PCDH19: variants seen among roughly 807,000 people sequenced by gnomAD.
PCDH19 encodes protocadherin 19.
Under a neutral mutation model 46.2 loss-of-function variants are expected in PCDH19, and 6 were observed. The observed-to-expected ratio is 0.13, with a 90% CI of 0.07 to 0.26. PCDH19 has a LOEUF of 0.26. Among genes scored for constraint, PCDH19 ranks in the 10% least tolerant of loss-of-function variants. The pLI, the probability that PCDH19 is intolerant of heterozygous loss-of-function variation, is 1.00. For missense variants in PCDH19, 740 were observed against 972.3 expected (o/e 0.76, Z 3.18); for synonymous variants, 481 against 415.7 (o/e 1.16, Z -1.91).
intron 4 of PCDH19, among the ~76,000 whole-genome samples, chrX:100,343,454 T>C (rs977050819): frequency 8.9e-6 from 1 of 112,229 alleles, no homozygotes; most frequent in Non-Finnish European, 1.9e-5. Context: ...ATGAAAACTT[T>C]CAGCTCAAGT....
Position 100,398,894 on chromosome X carries a change from G to A in PCDH19, c.2616+3630C>T, listed in dbSNP as rs1928100067. 2.7e-5 allele frequency among the ~76,000 whole-genome samples: 3 copies of A among 112,046 alleles called. No homozygotes were observed. The South Asian group carries it at 1.1e-3, about 42-fold the overall frequency. On this transcript the variant is annotated intron_variant, in intron 3 of 5. Transcript: ENST00000373034. Reference sequence around the variant, plus strand: ...TGGGTTTGACACAGGTAACCCAACAGAGGAACCTACTATGTAGTACCCTTT... The same window carrying A: ...TGGGTTTGACACAGGTAACCCAACAAAGGAACCTACTATGTAGTACCCTTT...
intron 3 of PCDH19, among the ~76,000 whole-genome samples, chrX:100,394,269 G>T (rs1011735246): frequency 8.9e-6 from 1 of 112,032 alleles, no homozygotes; most frequent in East Asian, 2.8e-4. Context: ...AGTCCCAAAG[G>T]GTCTGCTCAA....
At chrX:100,401,177 A>G (rs1411481127) in intron 3 of PCDH19, among the ~76,000 whole-genome samples, 1 of 111,880 alleles carries the variant, frequency 8.9e-6, no homozygotes, top group Non-Finnish European at 1.9e-5. Context: ...TATGCCTCCC[A>G]GTGCATCAGA....
At chrX:100,303,915 G>A (rs1157032462) in intron 5 of PCDH19, among the ~76,000 whole-genome samples, 1 of 112,509 alleles carries the variant, frequency 8.9e-6, no homozygotes. Context: ...CACCTATGTG[G>A]TGTTACCTGA....
In PCDH19 at chrX:100,402,809, C is replaced by T. The variant is rs912493512; in HGVS notation, c.2331G>A (p.Lys777=). The T allele has an allele frequency of 1.8e-5, 22 of 1,211,186 alleles. No individual in the cohort carries two copies. Among genetic ancestry groups the T allele is most frequent in the Non-Finnish European group, 2.5e-5 (22 of 895,163 alleles). ...YSYGHQKKSS[K]KKKISKNDIR... ...TGTCATTCTTACTGATTTTTTTCTT[C>T]TTGCTTGATTTCTTTTGATGCCCAT... is the stretch of plus-strand genomic sequence containing the variant. Residue 777 remains lysine (K), a synonymous_variant, in exon 3 of 6, where the codon AAG becomes AAA. Coordinates refer to ENST00000373034, the MANE Select transcript of PCDH19 (RefSeq NM_001184880.2).
chrX:100,399,492 T>C (rs1398997967), intron 3 of PCDH19, among the ~76,000 whole-genome samples: 1 of 111,800 alleles, frequency 8.9e-6, no homozygotes, highest in Admixed American at 9.5e-5. Flanking sequence ...TTACAAAGAG[T>C]AGGCTCAACA....
intron 3 of PCDH19, among the ~76,000 whole-genome samples, chrX:100,362,609 C>G (rs1339023414): frequency 9.4e-6 from 1 of 106,862 alleles, no homozygotes; most frequent in African/African-American, 3.4e-5. Flanking sequence ...CTGGCTAATA[C>G]GGTGAAACCC....
chrX:100,404,449 A>G (rs1928284348), intron 1 of PCDH19, among the ~76,000 whole-genome samples: 1 of 112,025 alleles, frequency 8.9e-6, no homozygotes, highest in African/African-American at 3.2e-5. Flanking sequence ...AACTTTGGCA[A>G]TGCCCCATCA....
intron 5 of PCDH19, among the ~76,000 whole-genome samples, chrX:100,337,047 C>T (rs930712086): frequency 9.0e-6 from 1 of 111,393 alleles, no homozygotes; most frequent in Admixed American, 9.5e-5. Flanking sequence ...AAATTCAAGC[C>T]CCATGATACC....
intron 5 of PCDH19, among the ~76,000 whole-genome samples, chrX:100,334,342 G>A (rs1926015238): frequency 9.0e-6 from 1 of 111,564 alleles, no homozygotes; most frequent in African/African-American, 3.3e-5. Context: ...ATACTGTTTT[G>A]CAATTCATAT....
chrX:100,324,182 C>T (rs1383663607), intron 5 of PCDH19, among the ~76,000 whole-genome samples: 1 of 111,923 alleles, frequency 8.9e-6, no homozygotes, highest in Non-Finnish European at 1.9e-5. Flanking sequence ...CAATTAAGTA[C>T]CCTTAAGAGT....
rs1398724587 is a variant in PCDH19 at position 100,292,126 on chromosome X, G to C, written c.*4151C>G. The C allele has an allele frequency of 8.8e-6, 1 of 113,274 alleles. No homozygotes were observed. Among genetic ancestry groups the C allele is most frequent in the Non-Finnish European group, 1.9e-5 (1 of 53,368 alleles). The allele number at this position is 113,274 out of a possible 1,213,427, so 9.3% of individuals were successfully genotyped here. On this transcript the variant is annotated 3_prime_UTR_variant, in exon 6 of 6. Transcript: ENST00000373034. ...TATTTGTTGCTGATTTCTAGCTCGA[G>C]CTAGTCTGGCTCTTGGTCATTAAAG...
rs1329214100 is a variant in PCDH19 at position 100,296,037 on chromosome X, C to T, written c.*240G>A. On this transcript the variant is annotated 3_prime_UTR_variant, in exon 6 of 6. Transcript: ENST00000373034. ...TCACAACTGAATTTGTCTCTGTTTC[C>T]CCAACATCAAGGCCCCATGAACAAC... is the stretch of plus-strand genomic sequence containing the variant. 1 of 414,573 alleles carries T rather than the reference C, an allele frequency of 2.4e-6. No homozygotes were observed. The highest frequency in any genetic ancestry group is 4.2e-6 in the Non-Finnish European group (1 of 238,676). The allele number at this position is 414,573 out of a possible 1,213,427, so 34.2% of individuals were successfully genotyped here. A position where few individuals can be genotyped will look rare whatever the true frequency, so the allele number is the denominator to read the frequency against.
intron 3 of PCDH19, among the ~76,000 whole-genome samples, chrX:100,365,300 C>G (rs781649462): frequency 2.7e-5 from 3 of 111,242 alleles, no homozygotes; most frequent in African/African-American, 9.8e-5. Flanking sequence ...GAGCAAGAAC[C>G]TAAGACTCCT....
intron 2 of PCDH19, 80 bp from the exon 3 acceptor site, chrX:100,402,931 A>G: frequency 5.3e-6 from 4 of 755,514 alleles, no homozygotes; most frequent in Non-Finnish European, 8.1e-6. Flanking sequence ...AGCACCCCAG[A>G]GGGTTGCACC....
chrX:100,347,180 T>C (rs932712778), intron 4 of PCDH19, among the ~76,000 whole-genome samples: 2 of 111,399 alleles, frequency 1.8e-5, no homozygotes, highest in African/African-American at 6.5e-5. Flanking sequence ...TTCTCAACCT[T>C]GATTTGTGCC....
intron 5 of PCDH19, among the ~76,000 whole-genome samples, chrX:100,330,616 C>T (rs1925845595): frequency 8.9e-6 from 1 of 112,193 alleles, no homozygotes. Flanking sequence ...TGCAGTCCTG[C>T]ATTACTTAGA....
chrX:100,395,997 C>A (rs1251419517), intron 3 of PCDH19, among the ~76,000 whole-genome samples: 1 of 112,060 alleles, frequency 8.9e-6, no homozygotes. Context: ...GAAATCAAGC[C>A]TCTTCTCCGT....
In PCDH19 at chrX:100,334,667, T is replaced by C. The variant is rs1255056397; in HGVS notation, c.2848+7236A>G. Among the ~76,000 whole-genome samples the C allele has an allele frequency of 1.1e-4, 12 of 110,426 alleles. No homozygotes were observed. The South Asian group carries it at 2.7e-3, about 25-fold the overall frequency. ...TACCCCTAATCATGCAACAAATCCA[T>C]GAGCCTCTGGCACCTCTGACCACTC... On this transcript the variant is annotated intron_variant, in intron 5 of 5. Coordinates refer to ENST00000373034, the MANE Select transcript of PCDH19 (RefSeq NM_001184880.2).
Sources: allele counts gnomAD v4.1 joint callset (sites outside exome capture counted in the v4.1 genomes callset), GRCh38; gene constraint gnomAD v4.1.1; transcripts MANE v1.5; gene names NCBI Gene and HGNC (gene_info 2026-07-23, HGNC 2026-07-21).